The following FAT1 variants were observed in gnomAD, a reference collection of about 807,000 sequenced individuals.
FAT1 encodes protocadherin Fat 1.
Under a neutral mutation model 329.8 loss-of-function variants are expected in FAT1, and 171 were observed. The ratio of observed to expected loss-of-function variants is 0.52; its 90% CI spans 0.46 to 0.59. The LOEUF is 0.59. FAT1 is among the 20% of genes least tolerant of loss of function. The pLI is 0.00. For synonymous variants in FAT1, 2,233 were observed against 2,228.6 expected (o/e 1.00, Z -0.06); for missense variants, 5,672 against 5,774.4 (o/e 0.98, Z 0.57).
chr4:186,674,449 T>G (rs1008163565), intron 2 of FAT1, among the ~76,000 whole-genome samples: 1 of 152,302 alleles, frequency 6.6e-6, no homozygotes, highest in African/African-American at 2.4e-5. Flanking sequence ...ACTATCTCCA[T>G]GAGATGCAGA....
At chr4:186,634,542 C>T (rs1379780925) in intron 6 of FAT1, among the ~76,000 whole-genome samples, 1 of 152,022 alleles carries the variant, frequency 6.6e-6, no homozygotes, top group Non-Finnish European at 1.5e-5. Context: ...AAACCTAAAA[C>T]CACGGAGCTA....
At chr4:186,639,192 A>G (rs1740980796) in intron 4 of FAT1, among the ~76,000 whole-genome samples, 1 of 152,222 alleles carries the variant, frequency 6.6e-6, no homozygotes, top group South Asian at 2.1e-4. Flanking sequence ...ATCTACTTTT[A>G]CTTTTGAGGT....
At position 186,663,002 on chromosome 4, in the gene FAT1, A is replaced by C. The variant is rs555038260; in HGVS notation, c.3580+297T>G. ...CAGGCGCCCGCCACCACGCCCAGCTAATTTTTTGTACTTTTACTAGAGATG... is the reference window on the plus strand; with the variant it reads ...CAGGCGCCCGCCACCACGCCCAGCTCATTTTTTGTACTTTTACTAGAGATG... On this transcript the variant is annotated intron_variant, in intron 3 of 26. Transcript: ENST00000441802. 1.4e-4 allele frequency among the ~76,000 whole-genome samples: 21 copies of C among 152,128 alleles called. No homozygotes were observed. In the South Asian group the frequency reaches 4.4e-3, roughly 32 times the overall value.
chr4:186,719,586 G>T (rs1433361385), intron 1 of FAT1, among the ~76,000 whole-genome samples: 2 of 152,120 alleles, frequency 1.3e-5, no homozygotes, highest in Non-Finnish European at 2.9e-5. Flanking sequence ...AAACAAAAAG[G>T]AAGGGGTTGG....
intron 2 of FAT1, among the ~76,000 whole-genome samples, chr4:186,685,383 A>G (rs557409328): frequency 6.6e-6 from 1 of 152,290 alleles, no homozygotes; most frequent in South Asian, 2.1e-4. Context: ...TTTCAGTAAC[A>G]CCATAAAATA....
intron 17 of FAT1, among the ~76,000 whole-genome samples, chr4:186,605,095 T>C (rs61104273): frequency 0.29 from 43,333 of 151,182 alleles, 6,447 homozygotes; most frequent in East Asian, 0.47. Flanking sequence ...GGTGGGTGCC[T>C]GTAATCTCAG....
chr4:186,706,724 G>A lies in FAT1; in HGVS notation c.3104C>T (p.Ser1035Phe), dbSNP rs767859126. 1 of 1,613,934 alleles carries A rather than the reference G, an allele frequency of 6.2e-7. No homozygotes were observed. The highest frequency in any genetic ancestry group is 8.5e-7 in the Non-Finnish European group (1 of 1,179,884). The change falls in exon 2 of 27, where the codon TCC becomes TTC. Residue 1035 changes from serine to phenylalanine, a missense_variant. This residue lies in a region of FAT1 where 3,966 missense variants were observed against 3,915.2 expected (regional missense o/e 1.01). Coordinates refer to ENST00000441802, the MANE Select transcript of FAT1 (RefSeq NM_005245.4). ...CACTGTCCCCTTTTCCACAAAGCTG[G>A]AAAACACGGGTGGGTGCAGGTTCTC... ...VNENLHPPVF[S>F]SFVEKGTVKE...
intron 2 of FAT1, among the ~76,000 whole-genome samples, chr4:186,696,165 T>C (rs1056260143): frequency 1.3e-5 from 2 of 152,210 alleles, no homozygotes; most frequent in Admixed American, 1.3e-4. Flanking sequence ...ATATGAAACT[T>C]CGTGTGACTT....
intron 1 of FAT1, among the ~76,000 whole-genome samples, chr4:186,715,280 G>A (rs1745160690): frequency 6.7e-6 from 1 of 149,308 alleles, no homozygotes; most frequent in Non-Finnish European, 1.5e-5. Context: ...ATCCCCAACT[G>A]GATTCCCAAA....
rs72716244 is a variant in FAT1, at chr4:186,596,887, T to C, written c.12653A>G (p.Asp4218Gly). Residue 4218 changes from aspartate (D) to glycine (G), a missense_variant, in exon 25 of 27, where the codon GAC becomes GGC. This residue lies in a region of FAT1 where 1,706 missense variants were observed against 1,859.1 expected (regional missense o/e 0.92). Coordinates refer to ENST00000441802, the MANE Select transcript of FAT1 (RefSeq NM_005245.4). This position sits in a 1 kb window ranked among gnomAD's most constrained non-coding sequence, Gnocchi z 4.7. ...AGCCGTAGCGGGTCCCAGGTGCTTGTCTTTAGGTTCAGCCTGATGCTTCTT... is the reference window on the plus strand; with the variant it reads ...AGCCGTAGCGGGTCCCAGGTGCTTGCCTTTAGGTTCAGCCTGATGCTTCTT... ...RKKKHQAEPK[D>G]KHLGPATAFL... The C allele has an allele frequency of 0.012, 19,522 of 1,614,012 alleles. 144 individuals carry two copies. The highest frequency in any genetic ancestry group is 0.014 in the Non-Finnish European group (16,390 of 1,179,890).
At chr4:186,670,808 G>C in intron 2 of FAT1, among the ~76,000 whole-genome samples, 1 of 152,144 alleles carries the variant, frequency 6.6e-6, no homozygotes, top group African/African-American at 2.4e-5. Context: ...AGAAACAGTC[G>C]CAGGCAAGAG....
Position 186,619,478 on chromosome 4 carries a change from G to A in FAT1, c.7108C>T (p.Leu2370=). ...VRAVDGGMPT[L]SSDVIVTVDV... is the part of the protein sequence containing the mutation. ...ACCGTGACAATCACATCACTGCTCA[G>A]CGTGGGCATACCACCATCAACTGCC... Residue 2370 remains leucine (L), a synonymous_variant, in exon 10 of 27, where the codon CTG becomes TTG. Coordinates refer to ENST00000441802, the MANE Select transcript of FAT1 (RefSeq NM_005245.4). 1 of 1,613,998 alleles carries A rather than the reference G, an allele frequency of 6.2e-7. No individual in the cohort carries two copies. The highest frequency in any genetic ancestry group is 8.5e-7 in the Non-Finnish European group (1 of 1,179,896).
chr4:186,652,234 T>C (rs1196149688), intron 3 of FAT1, among the ~76,000 whole-genome samples: 2 of 152,184 alleles, frequency 1.3e-5, no homozygotes, highest in Non-Finnish European at 1.5e-5. Context: ...AGTGATCCTA[T>C]AAATGTCAGA....
At chr4:186,684,265 C>G (rs1177749083) in intron 2 of FAT1, among the ~76,000 whole-genome samples, 1 of 152,190 alleles carries the variant, frequency 6.6e-6, no homozygotes, top group Non-Finnish European at 1.5e-5. Flanking sequence ...ATCGTCTCAT[C>G]TAGACTGAAT....
chr4:186,694,602 C>T (rs1399489338), intron 2 of FAT1, among the ~76,000 whole-genome samples: 1 of 152,212 alleles, frequency 6.6e-6, no homozygotes, highest in African/African-American at 2.4e-5. Flanking sequence ...TATTCAACCA[C>T]CCTTTAAAAG....
chr4:186,709,213 CA>C lies in FAT1; in HGVS notation c.614del (p.Val205GlyfsTer2). 1 of 1,614,014 alleles carries C rather than the reference CA, an allele frequency of 6.2e-7. No individual in the cohort carries two copies. The highest frequency in any genetic ancestry group is 8.5e-7 in the Non-Finnish European group (1 of 1,179,898). Reference sequence around the variant, plus strand: ...CTAGGTAATCAAGTCTACCAGTTAACACTATCACACCACTGGTTGGGTGAAT... The same window carrying C: ...CTAGGTAATCAAGTCTACCAGTTAACCTATCACACCACTGGTTGGGTGAAT... ...FAIHPTSGVI[V>X]LTGRLDYLET... On this transcript the variant is annotated frameshift_variant, in exon 2 of 27. Coordinates refer to ENST00000441802, the MANE Select transcript of FAT1 (RefSeq NM_005245.4). LOFTEE classifies it high-confidence loss of function.
chr4:186,701,793 T>A (rs556617771), intron 2 of FAT1, among the ~76,000 whole-genome samples: 1 of 152,340 alleles, frequency 6.6e-6, no homozygotes, highest in Non-Finnish European at 1.5e-5. Flanking sequence ...GAATGAATAA[T>A]AAATAGCTGA....
At chr4:186,636,543 T>C in intron 5 of FAT1, 42 bp downstream of exon 5, 1 of 1,520,232 alleles carries the variant, frequency 6.6e-7, no homozygotes, top group South Asian at 1.3e-5. Context: ...AGGTTTATAG[T>C]CACAACATAT....
At chr4:186,682,401 C>A (rs1743258188) in intron 2 of FAT1, among the ~76,000 whole-genome samples, 1 of 151,886 alleles carries the variant, frequency 6.6e-6, no homozygotes, top group South Asian at 2.1e-4. Context: ...CTGGCATGTG[C>A]CTGTAATCCC....
Sources: gnomAD v4.1 joint callset for allele counts (sites outside exome capture counted in the v4.1 genomes callset) on GRCh38, gnomAD v4.1.1 for gene constraint, gnomAD v4.1.1 regional missense constraint, Gnocchi (gnomAD v3.1) non-coding constraint, MANE v1.5 for transcripts, NCBI Gene and HGNC (gene_info 2026-07-23, HGNC 2026-07-21) for gene names.